EXPH5: variants seen among roughly 807,000 people sequenced by gnomAD.
EXPH5 encodes exophilin-5.
Under a neutral mutation model 41.1 loss-of-function variants are expected in EXPH5, and 42 were observed. The ratio of observed to expected loss-of-function variants is 1.02; its 90% confidence interval spans 0.80 to 1.32. EXPH5 has a LOEUF of 1.32. Ranked by LOEUF, EXPH5 falls within the 40% of genes most tolerant of loss-of-function variation. EXPH5 has a pLI of 0.00. For missense variants in EXPH5, 2,298 were observed against 2,314.5 expected (o/e 0.99, Z 0.15); for synonymous variants, 798 against 833.5 (o/e 0.96, Z 0.73).
chr11:108,551,826 C>A (rs1398428906), intron 1 of EXPH5, among the ~76,000 whole-genome samples: 4 of 152,110 alleles, frequency 2.6e-5, no homozygotes, highest in African/African-American at 9.7e-5. Flanking sequence ...GTTTTCCTCC[C>A]ACGCAGGAAT....
chr11:108,514,030 A>C lies in EXPH5; in HGVS notation c.1477T>G (p.Phe493Val), dbSNP rs761320665. ...CTGAATGATTTCCTGCTTCGATGAA[A>C]GTCAGACCAGAAAGAATGTCCTTTC... ...QEKGHSFWSD[F>V]HRSRKSFSSS... The change falls in exon 6 of 6, where the codon TTT (phenylalanine) becomes GTT (valine). Residue 493 changes from phenylalanine (F) to valine (V), a missense_variant. Phe to Val is a conservative substitution (Grantham distance 50). Coordinates refer to ENST00000265843, the MANE Select transcript of EXPH5 (RefSeq NM_015065.3). 10 of 1,614,012 alleles carry C rather than the reference A, an allele frequency of 6.2e-6. No homozygotes were observed. The South Asian group carries it at 9.9e-5, about 16-fold the overall frequency.
chr11:108,582,777 C>T (rs2136116273), intron 1 of EXPH5, among the ~76,000 whole-genome samples: 1 of 152,336 alleles, frequency 6.6e-6, no homozygotes, highest in Admixed American at 6.5e-5. Context: ...CCAGGCCTCT[C>T]TCCTAGCTTC....
chr11:108,548,125 A>T (rs989966815), intron 1 of EXPH5, among the ~76,000 whole-genome samples: 1 of 151,550 alleles, frequency 6.6e-6, no homozygotes, highest in African/African-American at 2.4e-5. Flanking sequence ...AAAAAAAAAA[A>T]AAAAAAAAAA....
intron 1 of EXPH5, among the ~76,000 whole-genome samples, chr11:108,547,800 G>A (rs1420916282): frequency 3.3e-5 from 5 of 151,906 alleles, no homozygotes; most frequent in Non-Finnish European, 5.9e-5. Context: ...GCAATTGAGC[G>A]TTTCGTCAAT....
chr11:108,528,017 A>G (rs192220236), intron 4 of EXPH5, 119 bp downstream of exon 4: 474 of 642,492 alleles, frequency 7.4e-4, no homozygotes, highest in Non-Finnish European at 1.2e-3. Context: ...GGAGAAATCC[A>G]AGCTTCTAAA....
intron 3 of EXPH5, among the ~76,000 whole-genome samples, chr11:108,532,181 AT>A (rs553845370): frequency 0.015 from 2,053 of 137,520 alleles, 42 homozygotes; most frequent in African/African-American, 0.045. Context: ...GCCATAGAGA[AT>A]TTTTTTTTTT....
rs749308368 is a variant in EXPH5, at chr11:108,512,398, C to T, written c.3109G>A (p.Gly1037Arg). Residue 1037 changes from glycine to arginine, a missense_variant, in exon 6 of 6, where the codon GGA becomes AGA. By Grantham distance (125) the Gly-to-Arg change is moderately radical. Transcript: ENST00000265843. ...AATGAAGCAGCCATTATTTTACTTC[C>T]TGACTGCCTGCCATGTATGAGAAAA... ...SSFLIHGRQS[G>R]SKIMAASLRN... The T allele has an allele frequency of 6.2e-6, 10 of 1,609,670 alleles. No individual in the cohort carries two copies. The Middle Eastern group carries it at 5.0e-4, about 80-fold the overall frequency.
intron 1 of EXPH5, among the ~76,000 whole-genome samples, chr11:108,564,549 A>G (rs1159870332): frequency 6.6e-6 from 1 of 152,100 alleles, no homozygotes; most frequent in East Asian, 1.9e-4. Context: ...GTTATTTCTA[A>G]TTTTTTAGAG....
At chr11:108,519,333 C>A (rs1003563189) in intron 4 of EXPH5, among the ~76,000 whole-genome samples, 1 of 152,106 alleles carries the variant, frequency 6.6e-6, no homozygotes, top group African/African-American at 2.4e-5. Flanking sequence ...GGAAAGAAAT[C>A]GACCCCTCTT....
At chr11:108,547,052 C>T (rs969558983) in intron 1 of EXPH5, among the ~76,000 whole-genome samples, 6 of 152,142 alleles carry the variant, frequency 3.9e-5, no homozygotes, top group Admixed American at 1.3e-4. Context: ...CCACCTCCCT[C>T]GGCCTCCCAA....
At chr11:108,551,676 CCTT>C (rs1213764773) in intron 1 of EXPH5, among the ~76,000 whole-genome samples, 1 of 152,138 alleles carries the variant, frequency 6.6e-6, no homozygotes, top group African/African-American at 2.4e-5. Flanking sequence ...ACCCTCCACT[CCTT>C]AAGGACATCT....
chr11:108,574,519 A>C (rs1484886535), intron 1 of EXPH5, among the ~76,000 whole-genome samples: 1 of 152,216 alleles, frequency 6.6e-6, no homozygotes, highest in African/African-American at 2.4e-5. Context: ...TGTGTAGTGA[A>C]ATATATAAAT....
chr11:108,585,537 C>T (rs1397918955), intron 1 of EXPH5, among the ~76,000 whole-genome samples: 2 of 152,242 alleles, frequency 1.3e-5, no homozygotes, highest in Non-Finnish European at 2.9e-5. Flanking sequence ...GTGCCTTGAT[C>T]TTGGACTTCC....
At chr11:108,606,375 C>T in the EXPH5 span, among the ~76,000 whole-genome samples, 2 of 152,212 alleles carry the variant, frequency 1.3e-5, no homozygotes, top group African/African-American at 4.8e-5. Context: ...CCAATCTCCA[C>T]TCCACTTATC....
At chr11:108,565,499 G>A (rs1045884474) in intron 1 of EXPH5, among the ~76,000 whole-genome samples, 2 of 152,100 alleles carry the variant, frequency 1.3e-5, no homozygotes, top group African/African-American at 2.4e-5. Context: ...CAAGTTGCAC[G>A]ATCACTACAA....
chr11:108,540,231 G>T (rs1256784395), intron 2 of EXPH5, among the ~76,000 whole-genome samples: 1 of 152,174 alleles, frequency 6.6e-6, no homozygotes, highest in African/African-American at 2.4e-5. Context: ...GCTGAGGCAG[G>T]AGAATTGCTT....
At chr11:108,519,219 A>C (rs1388572606) in intron 4 of EXPH5, among the ~76,000 whole-genome samples, 3 of 152,084 alleles carry the variant, frequency 2.0e-5, no homozygotes, top group African/African-American at 7.2e-5. Context: ...CGACCACGGA[A>C]GGGCCAATAC....
chr11:108,567,872 G>A (rs912964381), intron 1 of EXPH5: 2 of 152,198 alleles, frequency 1.3e-5, no homozygotes, highest in Non-Finnish European at 2.9e-5. Context: ...GAATACCAAA[G>A]CCAAGCAGTC....
intron 1 of EXPH5, among the ~76,000 whole-genome samples, chr11:108,582,844 C>T (rs889252593): frequency 1.3e-5 from 2 of 152,182 alleles, no homozygotes; most frequent in African/African-American, 2.4e-5. Context: ...AGCATTCTCC[C>T]TGCGTGCTTG....
Sources: gnomAD v4.1 joint callset for allele counts (sites outside exome capture counted in the v4.1 genomes callset) on GRCh38, gnomAD v4.1.1 for gene constraint, MANE v1.5 for transcripts, NCBI Gene and HGNC (gene_info 2026-07-23, HGNC 2026-07-21) for gene names.